Variants in FADS2 observed in about 807,000 individuals in gnomAD.
The protein encoded by FADS2 is fatty acid desaturase 2.
Under a neutral mutation model 61.2 loss-of-function variants are expected in FADS2, and 18 were observed. The observed-to-expected ratio is 0.29, with a 90% CI of 0.20 to 0.44. The LOEUF is 0.44. Among genes scored for constraint, FADS2 ranks in the 20% least tolerant of loss-of-function variants. The pLI, the probability that FADS2 is intolerant of heterozygous loss-of-function variation, is 1.00. For synonymous variants in FADS2, 203 were observed against 223.9 expected, an observed-to-expected ratio of 0.91 and a Z score of 0.83; for missense variants, 322 against 572.7, an observed-to-expected ratio of 0.56 and a Z score of 4.47.
At chr11:61,864,074 C>A (rs1033008406) in intron 10 of FADS2, 77 of 423,910 alleles carry the variant, frequency 1.8e-4, no homozygotes, top group Non-Finnish European at 5.6e-5. Flanking sequence ...GGAGCCTGCA[C>A]ACGCACCTCA....
At chr11:61,863,657 G>A (rs2067436426) in intron 9 of FADS2, 50 bp from the exon 10 acceptor site, 1 of 1,518,314 alleles carries the variant, frequency 6.6e-7, no homozygotes, top group African/African-American at 1.4e-5. Context: ...AATGAGGCCG[G>A]GCCCTTGGGC....
chr11:61,850,539 G>A (rs890235685), intron 5 of FADS2, among the ~76,000 whole-genome samples: 14 of 152,150 alleles, frequency 9.2e-5, no homozygotes, highest in Non-Finnish European at 1.8e-4. Context: ...GTAAGCCACC[G>A]CGCCTGGCCC....
chr11:61,843,098 T>TA (rs765466681), intron 4 of FADS2, among the ~76,000 whole-genome samples: 23 of 152,222 alleles, frequency 1.5e-4, no homozygotes, highest in Non-Finnish European at 3.2e-4. Flanking sequence ...ATTCTGAGGT[T>TA]AAAACTCTTT....
At chr11:61,832,135 G>C (rs2067136205) in intron 1 of FADS2, among the ~76,000 whole-genome samples, 1 of 152,130 alleles carries the variant, frequency 6.6e-6, no homozygotes, top group South Asian at 2.1e-4. Context: ...CCTACCCCTA[G>C]CCCTTGTCTC....
At chr11:61,821,384 A>C (rs1201332979) in intron 1 of FADS2, 2 of 701,460 alleles carry the variant, frequency 2.9e-6, no homozygotes, top group Non-Finnish European at 2.6e-6. Flanking sequence ...TCTAAAGAAA[A>C]GAAAAAAAAA....
At chr11:61,829,666 G>GA (rs2067111753) in intron 1 of FADS2, among the ~76,000 whole-genome samples, 1 of 152,134 alleles carries the variant, frequency 6.6e-6, no homozygotes, top group Non-Finnish European at 1.5e-5. Flanking sequence ...TGGATGCAGA[G>GA]AAAAAAGGTC....
intron 1 of FADS2, among the ~76,000 whole-genome samples, chr11:61,817,406 T>A (rs527840577): frequency 2.0e-5 from 3 of 152,328 alleles, no homozygotes; most frequent in East Asian, 3.9e-4. Context: ...GCAGTTATCT[T>A]GTGAACAGCA....
chr11:61,851,477 G>A (rs751223976), intron 5 of FADS2, among the ~76,000 whole-genome samples: 1 of 152,232 alleles, frequency 6.6e-6, no homozygotes, highest in East Asian at 1.9e-4. Flanking sequence ...GGAAATCCCC[G>A]CTCTCACACT....
At chr11:61,843,807 C>T (rs1170038659) in intron 4 of FADS2, among the ~76,000 whole-genome samples, 4 of 151,912 alleles carry the variant, frequency 2.6e-5, no homozygotes, top group African/African-American at 4.8e-5. Flanking sequence ...TACAGGTGTG[C>T]GCCACTATGC....
intron 5 of FADS2, chr11:61,856,763 G>T: frequency 5.7e-6 from 3 of 528,156 alleles, no homozygotes; most frequent in South Asian, 5.6e-5. Flanking sequence ...CCTTGTAGAG[G>T]ATCGATGCCA....
intron 4 of FADS2, among the ~76,000 whole-genome samples, chr11:61,842,739 TGCCC>T (rs965610399): frequency 5.9e-5 from 9 of 151,680 alleles, no homozygotes; most frequent in Admixed American, 5.2e-4. Context: ...CACTCAGGGG[TGCCC>T]CAGAGCACGG....
At chr11:61,826,788 G>GC (rs1192121477), upstream of FADS2, among the ~76,000 whole-genome samples, 1 of 151,936 alleles carries the variant, frequency 6.6e-6, no homozygotes, top group Non-Finnish European at 1.5e-5. Flanking sequence ...GAGCCCATCT[G>GC]CCCCCCCAAG....
chr11:61,834,988 C>A (rs539910723), intron 1 of FADS2, among the ~76,000 whole-genome samples: 15 of 109,370 alleles, frequency 1.4e-4, no homozygotes, highest in South Asian at 2.6e-4. Flanking sequence ...CCTGCCCCCC[C>A]ACCCCAGCCC....
rs995385232 is a variant in FADS2 at position 61,816,948 on chromosome 11, C to G, written c.141+522C>G. 5.1e-6 allele frequency: 7 copies of G among 1,375,094 alleles called. No homozygotes were observed. Among genetic ancestry groups the G allele is most frequent in the Non-Finnish European group, 6.5e-6 (7 of 1,072,898 alleles). 85.2% of individuals were successfully genotyped at this position (1,375,094 alleles called of 1,614,324 possible). ...TTCCCATTGGCCGAGCCTCGTGGCG[C>G]GGGGAGCGAGATCCCGTCCCCCGGT... is the stretch of plus-strand genomic sequence containing the variant. On this transcript the variant is annotated intron_variant, in intron 1 of 11. Transcript: ENST00000257261. The surrounding 1 kb of genome is among the most constrained non-coding windows in gnomAD (Gnocchi z 7.0).
Position 61,816,968 on chromosome 11 carries a change from C to A in FADS2, c.141+542C>A. 2 of 1,368,888 alleles carry A rather than the reference C, an allele frequency of 1.5e-6. No homozygotes were observed. Among genetic ancestry groups the A allele is most frequent in the South Asian group, 1.7e-5 (1 of 58,804 alleles). 84.8% of individuals were successfully genotyped at this position (1,368,888 alleles called of 1,614,324 possible). Reference sequence around the variant, plus strand: ...TGGCGCGGGGAGCGAGATCCCGTCCCCCGGTGGGTCTTGGGCAACTCACAG... The same window carrying A: ...TGGCGCGGGGAGCGAGATCCCGTCCACCGGTGGGTCTTGGGCAACTCACAG... On this transcript the variant is annotated intron_variant, in intron 1 of 11. Coordinates refer to the FADS2 transcript ENST00000257261. The surrounding 1 kb of genome is among the most constrained non-coding windows in gnomAD (Gnocchi z 7.0).
At chr11:61,837,008 T>A (rs2067179966) in intron 1 of FADS2, among the ~76,000 whole-genome samples, 1 of 152,376 alleles carries the variant, frequency 6.6e-6, no homozygotes, top group South Asian at 2.1e-4. Context: ...TGCTAAAATA[T>A]TAGCAATAAT....
Position 61,857,450 on chromosome 11 carries a change from G to A in FADS2, c.806-4G>A, listed in dbSNP as rs747510982. On this transcript the variant is annotated splice_region_variant and splice_polypyrimidine_tract_variant and intron_variant, in intron 6 of 11. Transcript: ENST00000278840. The stretch of plus-strand genomic sequence containing the variant: ...GCCTCTAAGCGCCTGTCTCTCTCCT[G>A]CAGTTGGGCCGCCGCTGCTCATCCC... The A allele has an allele frequency of 1.9e-6, 3 of 1,613,686 alleles. No homozygotes were observed. Among genetic ancestry groups the A allele is most frequent in the African/African-American group, 2.7e-5 (2 of 75,036 alleles).
intron 1 of FADS2, chr11:61,821,489 A>G (rs2067036223): frequency 1.4e-6 from 1 of 695,676 alleles, no homozygotes; most frequent in African/African-American, 1.8e-5. Context: ...ATTTTGATCC[A>G]TTTTAACAAA....
At chr11:61,846,131 C>CTTTTTTTTTTTTTTTTT (rs550169322) in intron 4 of FADS2, among the ~76,000 whole-genome samples, 1 of 130,460 alleles carries the variant, frequency 7.7e-6, no homozygotes, top group Non-Finnish European at 1.6e-5. Flanking sequence ...TCTTTCTTTT[C>CTTTTTTTTTTTTTTTTT]TTTTTTTTTT....
Sources: gnomAD v4.1 joint callset for allele counts (sites outside exome capture counted in the v4.1 genomes callset) on GRCh38, gnomAD v4.1.1 for gene constraint, Gnocchi (gnomAD v3.1) non-coding constraint, MANE v1.5 for transcripts, NCBI Gene and HGNC (gene_info 2026-07-23, HGNC 2026-07-21) for gene names.